Variants in DDX60 observed in about 807,000 individuals in gnomAD.
The protein encoded by DDX60 is DExD/H-box helicase 60, also known as probable ATP-dependent RNA helicase DDX60.
In DDX60, 165 loss-of-function variants were observed where a neutral mutation model predicts 212.8. The ratio of observed to expected loss-of-function variants is 0.78; its 90% CI spans 0.68 to 0.88. DDX60 has a LOEUF of 0.88. Ranked by LOEUF, DDX60 falls within the 40% of genes least tolerant of loss-of-function variation. The pLI, the probability that DDX60 is intolerant of heterozygous loss-of-function variation, is 0.00. For synonymous variants in DDX60, 703 were observed against 685.3 expected (o/e 1.03, Z -0.40); for missense variants, 1,905 against 2,003.9 (o/e 0.95, Z 0.94).
chr4:168,257,041 T>C (rs1481211708), intron 25 of DDX60, among the ~76,000 whole-genome samples: 1 of 152,210 alleles, frequency 6.6e-6, no homozygotes, highest in African/African-American at 2.4e-5. Flanking sequence ...TTATACACAG[T>C]TGGCCGGGCA....
rs374415955 is a variant in DDX60 at position 168,306,626 on chromosome 4, C to G, written c.359G>C (p.Arg120Pro). ...TGATAAGCATCTCGAAAATGTTGTT[C>G]GAACATCAATGGTGGTATTCTTCTG... ...HLQKNTTIDV[R>P]TTFSRCLSKE... The change falls in exon 5 of 38, where the codon CGA becomes CCA. Residue 120 changes from arginine to proline, a missense_variant. By Grantham distance (103) the Arg-to-Pro change is moderately radical. Transcript: ENST00000393743. 6.2e-7 allele frequency: 1 copy of G among 1,613,850 alleles called. No homozygotes were observed. The highest frequency in any genetic ancestry group is 8.5e-7 in the Non-Finnish European group (1 of 1,179,968).
chr4:168,280,185 C>T (rs754517150), intron 14 of DDX60, 150 bp downstream of exon 14: 238 of 1,032,032 alleles, frequency 2.3e-4, no homozygotes, highest in Admixed American at 3.0e-4. Flanking sequence ...CGGCAGGTAG[C>T]GGGAAACTAT....
chr4:168,272,220 C>T (rs932881271), intron 18 of DDX60, 82 bp from the exon 19 acceptor site: 2 of 1,091,894 alleles, frequency 1.8e-6, no homozygotes, highest in South Asian at 2.8e-5. Context: ...GTAAGATAGA[C>T]TTATGAGTCC....
intron 33 of DDX60, among the ~76,000 whole-genome samples, chr4:168,229,831 G>A (rs1733383237): frequency 6.6e-6 from 1 of 151,946 alleles, no homozygotes; most frequent in South Asian, 2.1e-4. Flanking sequence ...AGGTATTTGG[G>A]CAACAACTAG....
intron 6 of DDX60, among the ~76,000 whole-genome samples, chr4:168,300,260 G>A (rs1297612866): frequency 5.9e-5 from 9 of 151,966 alleles, no homozygotes; most frequent in Admixed American, 4.6e-4. Flanking sequence ...TAGAAGCTAC[G>A]GCTGGGTGCG....
chr4:168,310,280 A>C (rs980330401), intron 3 of DDX60, among the ~76,000 whole-genome samples: 1 of 152,168 alleles, frequency 6.6e-6, no homozygotes, highest in Non-Finnish European at 1.5e-5. Context: ...CATTACACAC[A>C]GTAATCTATG....
At chr4:168,287,337 C>G (rs1735904789) in intron 9 of DDX60, 134 bp from the exon 10 acceptor site, 4 of 746,462 alleles carry the variant, frequency 5.4e-6, no homozygotes, top group Non-Finnish European at 8.8e-6. Context: ...GAGTTCCACA[C>G]TGGACATAAA....
chr4:168,261,968 T>C (rs529471755), intron 24 of DDX60, 32 bp downstream of exon 24: 1 of 1,565,998 alleles, frequency 6.4e-7, no homozygotes, highest in East Asian at 2.4e-5. Context: ...ACAACAAAAA[T>C]AAAGTTTGGC....
upstream of DDX60, among the ~76,000 whole-genome samples, chr4:168,320,227 T>A (rs1343795832): frequency 6.6e-6 from 1 of 152,140 alleles, no homozygotes; most frequent in Admixed American, 6.5e-5. Flanking sequence ...GCAAAATAGA[T>A]TAAATAAGAA....
intron 23 of DDX60, 42 bp from the exon 24 acceptor site, chr4:168,262,170 A>G: frequency 2.6e-6 from 4 of 1,557,614 alleles, no homozygotes; most frequent in Non-Finnish European, 3.4e-6. Flanking sequence ...ATCATGCAAG[A>G]AAATCCAAAA....
intron 19 of DDX60, among the ~76,000 whole-genome samples, chr4:168,270,361 T>C (rs555864117): frequency 3.4e-4 from 52 of 152,360 alleles, no homozygotes; most frequent in Admixed American, 2.0e-3. Flanking sequence ...AGAATATGCA[T>C]ACCCACTGCC....
At position 168,306,532 on chromosome 4, in the gene DDX60, G is replaced by A. The variant is rs141448687; in HGVS notation, c.453C>T (p.Asn151=). The change falls in exon 5 of 38, where the codon AAC becomes AAT. Residue 151 remains asparagine, a synonymous_variant. Transcript: ENST00000393743. ...AGTTGAAAAGCTGTGTTTGTAGATC[G>A]TTCAGGCCTTCGTCTGCAACTATCA... ...YFLIVADEGL[N]DLQTQLFNFL... 5.7e-5 allele frequency: 92 copies of A among 1,613,996 alleles called. No individual in the cohort carries two copies. The highest frequency in any genetic ancestry group is 4.7e-4 in the African/African-American group (35 of 74,886).
chr4:168,321,921 T>G (rs1737617076), upstream of DDX60, among the ~76,000 whole-genome samples: 1 of 152,182 alleles, frequency 6.6e-6, no homozygotes, highest in Admixed American at 6.5e-5. Flanking sequence ...AGGTTCAAAC[T>G]TCCATTTTCA....
chr4:168,280,064 A>G (rs1404589570), intron 14 of DDX60, among the ~76,000 whole-genome samples: 1 of 152,170 alleles, frequency 6.6e-6, no homozygotes, highest in South Asian at 2.1e-4. Context: ...GCAGGAGTTC[A>G]AAGAAATTAA....
chr4:168,302,503 T>C lies in DDX60; in HGVS notation c.607-87A>G, dbSNP rs563242189. The C allele has an allele frequency of 1.0e-5, 6 of 572,158 alleles. No homozygotes were observed. In the East Asian group the frequency reaches 1.4e-4, roughly 13 times the overall value. The allele number at this position is 572,158 out of a possible 1,614,324, so 35.4% of individuals were successfully genotyped here. A position where few individuals can be genotyped will look rare whatever the true frequency, so the allele number is the denominator to read the frequency against. ...TATAGAAAATTACATATTTTAGATA[T>C]AATTATGTTACGATATATTTCTAAG... On this transcript the variant is annotated intron_variant, in intron 5 of 37. Coordinates refer to ENST00000393743, the MANE Select transcript of DDX60 (RefSeq NM_017631.6).
intron 1 of DDX60, among the ~76,000 whole-genome samples, chr4:168,314,591 A>C (rs1430780606): frequency 2.6e-5 from 4 of 152,244 alleles, no homozygotes; most frequent in Non-Finnish European, 5.9e-5. Context: ...CAGAACAATA[A>C]AATGAGCATG....
chr4:168,247,033 T>C (rs1734049094), intron 29 of DDX60, among the ~76,000 whole-genome samples: 1 of 152,240 alleles, frequency 6.6e-6, no homozygotes, highest in African/African-American at 2.4e-5. Context: ...ACAAGTGTGT[T>C]GAGTTACAAA....
At chr4:168,300,569 T>A (rs1736604903) in intron 6 of DDX60, among the ~76,000 whole-genome samples, 1 of 148,586 alleles carries the variant, frequency 6.7e-6, no homozygotes, top group Admixed American at 6.6e-5. Context: ...ATCTATGTGT[T>A]TAACACCAGA....
chr4:168,292,728 G>A (rs778832531), intron 7 of DDX60, among the ~76,000 whole-genome samples: 10 of 152,158 alleles, frequency 6.6e-5, no homozygotes, highest in Non-Finnish European at 1.2e-4. Context: ...GGACAAGAAC[G>A]TCATAGCTAT....
Sources: gnomAD v4.1 joint callset for allele counts (sites outside exome capture counted in the v4.1 genomes callset) on GRCh38, gnomAD v4.1.1 for gene constraint, MANE v1.5 for transcripts, NCBI Gene and HGNC (gene_info 2026-07-23, HGNC 2026-07-21) for gene names.